DGKK: variants seen among roughly 807,000 people sequenced by gnomAD.
DGKK encodes diacylglycerol kinase kappa, also known as 142 kDa diacylglycerol kinase.
A neutral mutation model predicts 92.2 loss-of-function variants in DGKK; 35 were observed. The ratio of observed to expected loss-of-function variants is 0.38; its 90% CI spans 0.29 to 0.50. The LOEUF (loss-of-function observed/expected upper bound fraction) is 0.50, where lower values mean the gene tolerates loss of function less well. DGKK is among the 20% of genes least tolerant of loss of function. DGKK has a pLI of 0.92. For missense variants in DGKK, 910 were observed against 992.2 expected, an observed-to-expected ratio of 0.92 and a Z score of 1.11; for synonymous variants, 368 against 360.6, an observed-to-expected ratio of 1.02 and a Z score of -0.23.
intron 21 of DGKK, 27 bp from the exon 22 acceptor site, chrX:50,378,259 G>A (rs1397955279): frequency 8.3e-7 from 1 of 1,198,573 alleles, no homozygotes; most frequent in Non-Finnish European, 1.1e-6. Flanking sequence ...GGAAGAATGG[G>A]AGAGAAAAAT....
chrX:50,454,481 C>A (rs1206789682), intron 1 of DGKK, among the ~76,000 whole-genome samples: 1 of 111,397 alleles, frequency 9.0e-6, no homozygotes, highest in East Asian at 2.9e-4. Flanking sequence ...TTTACACTGT[C>A]ACAATATATA....
Position 50,404,932 on chromosome X carries a change from C to T in DGKK, c.943-748G>A, listed in dbSNP as rs782112718. ...TGAGCAGAGCATTGCTTTACCTGGACGACAGTTTCATCTCAGGGGATTCTT... is the reference window on the plus strand; with the variant it reads ...TGAGCAGAGCATTGCTTTACCTGGATGACAGTTTCATCTCAGGGGATTCTT... On this transcript the variant is annotated intron_variant, in intron 4 of 27. Transcript: ENST00000611977. 1.1e-4 allele frequency among the ~76,000 whole-genome samples: 12 copies of T among 110,865 alleles called. No individual in the cohort carries two copies. The South Asian group carries it at 1.6e-3, about 14-fold the overall frequency.
At chrX:50,459,795 C>G (rs1276707901) in intron 1 of DGKK, among the ~76,000 whole-genome samples, 2 of 111,391 alleles carry the variant, frequency 1.8e-5, no homozygotes, top group African/African-American at 6.5e-5. Context: ...TTTACTCAAG[C>G]TCTGCAGGAG....
At chrX:50,468,984 G>T (rs1557234247) in intron 1 of DGKK, among the ~76,000 whole-genome samples, 1 of 110,727 alleles carries the variant, frequency 9.0e-6, no homozygotes, top group African/African-American at 3.3e-5. Flanking sequence ...TTAGGGTAAA[G>T]GAAGAGTAGG....
At chrX:50,385,781 G>A (rs1557224896) in intron 15 of DGKK, among the ~76,000 whole-genome samples, 2 of 111,892 alleles carry the variant, frequency 1.8e-5, no homozygotes, top group Admixed American at 1.9e-4. Flanking sequence ...TTGTGGGAAA[G>A]AAGTGGTCAG....
rs782564106 is a variant in DGKK, at chrX:50,432,196, T to G, written c.646-7838A>C. Among the ~76,000 whole-genome samples the G allele has an allele frequency of 3.6e-5, 4 of 112,094 alleles. No individual in the cohort carries two copies. In the South Asian group the frequency reaches 1.1e-3, roughly 32 times the overall value. On this transcript the variant is annotated intron_variant, in intron 1 of 27. Transcript: ENST00000611977. ...AAGCCAGATCTTTCTACCACGCAGG[T>G]CTGCAAGGACTGTATCTGCAAATCT... is the stretch of plus-strand genomic sequence containing the variant.
intron 8 of DGKK, among the ~76,000 whole-genome samples, chrX:50,394,499 C>A (rs1472103116): frequency 8.9e-6 from 1 of 111,966 alleles, no homozygotes; most frequent in African/African-American, 3.3e-5. Context: ...GGTCCCCTCA[C>A]TAGCATAGCT....
At chrX:50,373,512 C>A (rs781869087) in intron 25 of DGKK, among the ~76,000 whole-genome samples, 1 of 112,127 alleles carries the variant, frequency 8.9e-6, no homozygotes, top group Non-Finnish European at 1.9e-5. Flanking sequence ...CTATTTCCTG[C>A]TGCCCAAATG....
At chrX:50,381,411 T>C (rs1359432489) in intron 18 of DGKK, among the ~76,000 whole-genome samples, 1 of 111,230 alleles carries the variant, frequency 9.0e-6, no homozygotes, top group African/African-American at 3.3e-5. Flanking sequence ...GAGGTTGCAG[T>C]GAGCCGAGAT....
At chrX:50,385,495 G>T (rs193111133) in intron 15 of DGKK, among the ~76,000 whole-genome samples, 8 of 111,960 alleles carry the variant, frequency 7.1e-5, no homozygotes, top group Non-Finnish European at 1.3e-4. Context: ...GGCTACATCC[G>T]TTTAATCTGA....
chrX:50,404,978 C>T (rs1925112858), intron 4 of DGKK, among the ~76,000 whole-genome samples: 1 of 111,386 alleles, frequency 9.0e-6, no homozygotes, highest in African/African-American at 3.3e-5. Context: ...CTTGAGTATT[C>T]TTTTAGGAAT....
chrX:50,393,327 C>T lies in DGKK; in HGVS notation c.1420G>A (p.Val474Ile), dbSNP rs781849257. ...LSDPKGDGQL[V>I]VSSDFWNLDW... ...AGATTCCAGAAGTCTGAAGATACTA[C>T]TAATTGGCCTGACACAACGAAAAGA... The change falls in exon 9 of 28, where the codon GTA becomes ATA. Residue 474 changes from valine (V) to isoleucine (I), a missense_variant. Coordinates refer to ENST00000611977, the MANE Select transcript of DGKK (RefSeq NM_001013742.4). 54 of 1,198,076 alleles carry T rather than the reference C, an allele frequency of 4.5e-5. No homozygotes were observed. Among genetic ancestry groups the T allele is most frequent in the Non-Finnish European group, 6.0e-5 (53 of 888,995 alleles).
chrX:50,423,513 T>C (rs781931522), intron 2 of DGKK, among the ~76,000 whole-genome samples: 4 of 111,932 alleles, frequency 3.6e-5, no homozygotes, highest in Non-Finnish European at 7.5e-5. Flanking sequence ...TACACCCCTG[T>C]GTTAGCCAAC....
chrX:50,422,505 C>G lies in DGKK; in HGVS notation c.778G>C (p.Asp260His). 1 of 1,204,709 alleles carries G rather than the reference C, an allele frequency of 8.3e-7. No individual in the cohort carries two copies. The highest frequency in any genetic ancestry group is 1.8e-5 in the South Asian group (1 of 55,781). Residue 260 changes from aspartate (D) to histidine (H), a missense_variant, in exon 3 of 28, where the codon GAT becomes CAT. By Grantham distance (81) the Asp-to-His change is moderately conservative (BLOSUM62 -1). Coordinates refer to ENST00000611977, the MANE Select transcript of DGKK (RefSeq NM_001013742.4). ...HPAFAHFETIDLSQATVAESS... is the reference protein window; with the variant it reads ...HPAFAHFETIHLSQATVAESS... The stretch of plus-strand genomic sequence containing the variant: ...TCTGCCACAGTGGCTTGAGACAGAT[C>G]AATCGTTTCAAAGTGTGCAAACTGG...
chrX:50,449,111 A>C (rs1330920430), intron 1 of DGKK, among the ~76,000 whole-genome samples: 1 of 111,697 alleles, frequency 9.0e-6, no homozygotes, highest in African/African-American at 3.3e-5. Flanking sequence ...CATTGCAGGA[A>C]GATCAAGCTC....
chrX:50,438,649 A>G (rs781819428), intron 1 of DGKK, among the ~76,000 whole-genome samples: 40 of 111,916 alleles, frequency 3.6e-4, no homozygotes, highest in Middle Eastern at 4.6e-3. Context: ...ATGGGCACCA[A>G]TATGGCACCT....
intron 1 of DGKK, among the ~76,000 whole-genome samples, chrX:50,428,116 A>G (rs1925794392): frequency 9.1e-6 from 1 of 110,367 alleles, no homozygotes; most frequent in Non-Finnish European, 1.9e-5. Flanking sequence ...GAGAGTTTCA[A>G]TGTGTGTCTA....
intron 6 of DGKK, 108 bp from the exon 7 acceptor site, chrX:50,403,291 C>G: frequency 1.0e-6 from 1 of 997,884 alleles, no homozygotes; most frequent in Non-Finnish European, 1.4e-6. Flanking sequence ...GTAAATGACC[C>G]AAATGACCCT....
At position 50,390,384 on chromosome X, in the gene DGKK, G is replaced by A; in HGVS notation, c.1870C>T (p.Pro624Ser). The change falls in exon 12 of 28, where the codon CCC (proline) becomes TCC (serine). Residue 624 changes from proline (P) to serine (S), a missense_variant. Pro to Ser is a moderately conservative substitution (Grantham distance 74). Coordinates refer to ENST00000611977, the MANE Select transcript of DGKK (RefSeq NM_001013742.4). ...CCTTTTAGCAGCGGGGTTTGTCTGGGAGTCTCACGAATCATCACACTCCAT... is the reference window on the plus strand; with the variant it reads ...CCTTTTAGCAGCGGGGTTTGTCTGGAAGTCTCACGAATCATCACACTCCAT... ...DRWSVMIRET[P>S]RQTPLLKGQV... 1 of 1,210,849 alleles carries A rather than the reference G, an allele frequency of 8.3e-7. No individual in the cohort carries two copies. Among genetic ancestry groups the A allele is most frequent in the Non-Finnish European group, 1.1e-6 (1 of 894,643 alleles).
Sources: gnomAD v4.1 joint callset for allele counts (sites outside exome capture counted in the v4.1 genomes callset) on GRCh38, gnomAD v4.1.1 for gene constraint, MANE v1.5 for transcripts, NCBI Gene and HGNC (gene_info 2026-07-23, HGNC 2026-07-21) for gene names.